Variants in BANP observed in about 807,000 individuals in gnomAD.
BANP encodes protein BANP.
Under a neutral mutation model 68.1 loss-of-function variants are expected in BANP, and 11 were observed. The ratio of observed to expected loss-of-function variants is 0.16; its 90% CI spans 0.10 to 0.27. The LOEUF is 0.27. Among genes scored for constraint, BANP ranks in the 10% least tolerant of loss-of-function variants. The probability of loss-of-function intolerance (pLI) is 1.00; values close to 1 mark genes in which losing one functional copy is unlikely to be tolerated. For missense variants in BANP, 504 were observed against 722.7 expected, an observed-to-expected ratio of 0.70 and a Z score of 3.47; for synonymous variants, 329 against 303.2, an observed-to-expected ratio of 1.09 and a Z score of -0.88.
chr16:88,077,058 C>T lies in BANP; in HGVS notation c.*397C>T. 4.3e-6 allele frequency: 1 copy of T among 234,662 alleles called. No individual in the cohort carries two copies. The highest frequency in any genetic ancestry group is 8.6e-6 in the Non-Finnish European group (1 of 116,790). The allele number at this position is 234,662 out of a possible 1,614,324, so 14.5% of individuals were successfully genotyped here. A position where few individuals can be genotyped will look rare whatever the true frequency, so the allele number is the denominator to read the frequency against. ...TAGCAGGAGCCCTTTGCTGTGTGCTCTGTCCAGTGTCATGAGACGGGAGCC... is the reference window on the plus strand; with the variant it reads ...TAGCAGGAGCCCTTTGCTGTGTGCTTTGTCCAGTGTCATGAGACGGGAGCC... On this transcript the variant is annotated 3_prime_UTR_variant, in exon 14 of 14. Coordinates refer to ENST00000682872, the MANE Select transcript of BANP (RefSeq NM_001386991.1).
At chr16:88,068,380 C>T (rs759807568) in intron 12 of BANP, among the ~76,000 whole-genome samples, 4 of 152,212 alleles carry the variant, frequency 2.6e-5, no homozygotes, top group Admixed American at 6.5e-5. Flanking sequence ...GTCCCTGCAC[C>T]GCGCAGACCA....
chr16:87,960,368 G>C (rs1460501576), intron 1 of BANP, among the ~76,000 whole-genome samples: 1 of 152,226 alleles, frequency 6.6e-6, no homozygotes, highest in Non-Finnish European at 1.5e-5. Flanking sequence ...GATGGGCTTG[G>C]GTGAGGGTTT....
chr16:88,017,862 A>C (rs1191736028), intron 6 of BANP, among the ~76,000 whole-genome samples: 1 of 152,238 alleles, frequency 6.6e-6, no homozygotes, highest in Non-Finnish European at 1.5e-5. Context: ...CTGCATTGTA[A>C]CTGCCCTGAG....
At chr16:87,973,898 C>A (rs1175293691) in intron 1 of BANP, among the ~76,000 whole-genome samples, 1 of 152,108 alleles carries the variant, frequency 6.6e-6, no homozygotes, top group African/African-American at 2.4e-5. Context: ...TATGTAATTT[C>A]ATTCCTGTTG....
At chr16:88,021,988 A>T (rs1197911953) in intron 7 of BANP, among the ~76,000 whole-genome samples, 1 of 152,128 alleles carries the variant, frequency 6.6e-6, no homozygotes, top group Non-Finnish European at 1.5e-5. Flanking sequence ...AAATGAGGTT[A>T]TTGAAAGAGG....
intron 1 of BANP, among the ~76,000 whole-genome samples, chr16:87,965,448 G>T (rs1266054378): frequency 6.6e-6 from 1 of 152,052 alleles, no homozygotes; most frequent in Non-Finnish European, 1.5e-5. Context: ...GGTGTGCAAG[G>T]GTGATGCTGA....
At chr16:87,985,026 C>T (rs1247883351) in intron 4 of BANP, among the ~76,000 whole-genome samples, 9 of 152,186 alleles carry the variant, frequency 5.9e-5, no homozygotes, top group Admixed American at 2.6e-4. Context: ...AATGGTGGGA[C>T]GGCAGCGGGG....
At chr16:87,971,565 T>C (rs2061133361) in intron 1 of BANP, among the ~76,000 whole-genome samples, 1 of 151,892 alleles carries the variant, frequency 6.6e-6, no homozygotes, top group Non-Finnish European at 1.5e-5. Context: ...AGTCTTTTGC[T>C]TGGATGGCTA....
intron 8 of BANP, among the ~76,000 whole-genome samples, chr16:88,030,183 T>A (rs1453089056): frequency 6.6e-6 from 1 of 152,158 alleles, no homozygotes; most frequent in African/African-American, 2.4e-5. Context: ...CAAAGTAAAA[T>A]TCACAATCTC....
intron 2 of BANP, 161 bp downstream of exon 2, chr16:87,975,346 C>T (rs2061820948): frequency 1.4e-6 from 1 of 713,588 alleles, no homozygotes; most frequent in African/African-American, 1.8e-5. Flanking sequence ...CGGCCCCTCC[C>T]TTCCCTCGCC....
chr16:87,966,336 G>A (rs1198176360), intron 1 of BANP, among the ~76,000 whole-genome samples: 1 of 152,214 alleles, frequency 6.6e-6, no homozygotes, highest in Non-Finnish European at 1.5e-5. Flanking sequence ...GTCAGAGTAA[G>A]AGGCTTGCTT....
chr16:88,031,927 C>G (rs570111255), intron 8 of BANP, among the ~76,000 whole-genome samples: 89 of 151,896 alleles, frequency 5.9e-4, no homozygotes, highest in African/African-American at 2.1e-3. Flanking sequence ...ACTTCAGCCT[C>G]CCAAGTAGTT....
chr16:87,961,547 T>TCTA (rs1292687367), intron 1 of BANP, among the ~76,000 whole-genome samples: 22 of 152,166 alleles, frequency 1.4e-4, no homozygotes, highest in Non-Finnish European at 3.1e-4. Context: ...AAACTCTAGT[T>TCTA]GTTTTCAATT....
chr16:87,975,636 T>A (rs112763635), intron 2 of BANP, among the ~76,000 whole-genome samples: 17 of 135,498 alleles, frequency 1.3e-4, no homozygotes, highest in South Asian at 5.0e-4. Flanking sequence ...GCGTCCAGGA[T>A]CCTTACCATG....
At chr16:87,972,489 C>T (rs546065194) in intron 1 of BANP, among the ~76,000 whole-genome samples, 1 of 151,670 alleles carries the variant, frequency 6.6e-6, no homozygotes, top group Non-Finnish European at 1.5e-5. Flanking sequence ...TCATTGTCTG[C>T]AGTGATGTTA....
intron 6 of BANP, among the ~76,000 whole-genome samples, chr16:88,007,352 C>G (rs560247618): frequency 6.6e-6 from 1 of 152,316 alleles, no homozygotes; most frequent in African/African-American, 2.4e-5. Flanking sequence ...CCCATTTCCC[C>G]CGAGATCTGG....
At chr16:87,996,347 C>T (rs2152518331) in intron 4 of BANP, among the ~76,000 whole-genome samples, 1 of 152,370 alleles carries the variant, frequency 6.6e-6, no homozygotes, top group South Asian at 2.1e-4. Flanking sequence ...TCGGGTTCTG[C>T]TCACTGGCTG....
In BANP at chr16:88,004,364, C is replaced by A; in HGVS notation, c.432C>A (p.Asp144Glu). The change falls in exon 5 of 14, where the codon GAC becomes GAA. Residue 144 changes from aspartate (D) to glutamate (E), a missense_variant. Physicochemically the swap from Asp to Glu is conservative, Grantham distance 45 (BLOSUM62 2). Around this residue, in one of 3 missense-constraint regions of BANP, gnomAD observed 238 missense variants for 278.9 expected, o/e 0.85. Transcript: ENST00000682872. This position sits in a 1 kb window ranked among gnomAD's most constrained non-coding sequence, Gnocchi z 7.0. The part of the protein sequence containing the change: ...RQNAIVAKME[D>E]PLSNRAPDSL... ...ACGCCATTGTAGCCAAGATGGAAGA[C>A]CCCTTGAGCAACAGGGCACCGGATT... 1.3e-6 allele frequency: 2 copies of A among 1,549,856 alleles called. No homozygotes were observed. Among genetic ancestry groups the A allele is most frequent in the Non-Finnish European group, 1.7e-6 (2 of 1,146,218 alleles).
intron 1 of BANP, chr16:87,952,691 T>C (rs1292326020): frequency 6.6e-6 from 1 of 152,054 alleles, no homozygotes; most frequent in Non-Finnish European, 1.5e-5. Flanking sequence ...GCGGTAAAAT[T>C]CTGTATGTGG....
Sources: allele counts gnomAD v4.1 joint callset (sites outside exome capture counted in the v4.1 genomes callset), GRCh38; gene constraint gnomAD v4.1.1; regional missense constraint gnomAD v4.1.1; non-coding constraint Gnocchi (gnomAD v3.1); transcripts MANE v1.5; gene names NCBI Gene and HGNC (gene_info 2026-07-23, HGNC 2026-07-21).